The following MAGI2 variants were observed in gnomAD, a reference collection of about 807,000 sequenced individuals.
MAGI2 encodes membrane associated guanylate kinase, WW and PDZ domain containing 2.
MAGI2 carries 35 observed loss-of-function variants against 133.3 expected under a neutral mutation model. The ratio of observed to expected loss-of-function variants is 0.26; its 90% CI spans 0.20 to 0.35. The LOEUF (loss-of-function observed/expected upper bound fraction) is 0.35, where lower values mean the gene tolerates loss of function less well. MAGI2 is among the 10% of genes least tolerant of loss of function. MAGI2 has a pLI of 1.00. For synonymous variants in MAGI2, 729 were observed against 710.6 expected, an observed-to-expected ratio of 1.03 and a Z score of -0.41; for missense variants, 1,636 against 1,863.4, an observed-to-expected ratio of 0.88 and a Z score of 2.25.
At chr7:78,744,474 T>C (rs1486848685) in intron 2 of MAGI2, among the ~76,000 whole-genome samples, 2 of 152,208 alleles carry the variant, frequency 1.3e-5, no homozygotes, top group Admixed American at 6.5e-5. Context: ...AATTTAATTG[T>C]TTAAATATTA....
At chr7:79,247,698 G>C (rs528933459) in intron 1 of MAGI2, among the ~76,000 whole-genome samples, 4 of 151,908 alleles carry the variant, frequency 2.6e-5, no homozygotes, top group Non-Finnish European at 5.9e-5. Flanking sequence ...ACCACAAAAA[G>C]TTCAAAAATG....
At chr7:79,141,514 A>C (rs187757868) in intron 1 of MAGI2, among the ~76,000 whole-genome samples, 1 of 152,296 alleles carries the variant, frequency 6.6e-6, no homozygotes, top group East Asian at 1.9e-4. Flanking sequence ...CATTACTTCT[A>C]AAAATAATGA....
intron 2 of MAGI2, among the ~76,000 whole-genome samples, chr7:78,851,447 T>C (rs987435473): frequency 1.3e-5 from 2 of 152,182 alleles, no homozygotes; most frequent in Non-Finnish European, 2.9e-5. Flanking sequence ...TTATGAAACA[T>C]AACAATAAAA....
intron 1 of MAGI2, among the ~76,000 whole-genome samples, chr7:79,075,970 G>C (rs1815426684): frequency 6.6e-6 from 1 of 152,148 alleles, no homozygotes; most frequent in Admixed American, 6.5e-5. Flanking sequence ...TCTGTATCCA[G>C]AGCCACTTAC....
At chr7:78,936,078 T>C (rs1800490878) in intron 2 of MAGI2, among the ~76,000 whole-genome samples, 1 of 152,014 alleles carries the variant, frequency 6.6e-6, no homozygotes, top group Non-Finnish European at 1.5e-5. Flanking sequence ...ATATCAAATA[T>C]GTAAATTACA....
intron 1 of MAGI2, among the ~76,000 whole-genome samples, chr7:79,106,280 T>A (rs191185814): frequency 1.8e-4 from 28 of 152,182 alleles, no homozygotes; most frequent in Admixed American, 9.2e-4. Flanking sequence ...AACAAATCAG[T>A]GTTTGCCAGG....
chr7:78,955,757 CTTT>C (rs1802299662), intron 2 of MAGI2, among the ~76,000 whole-genome samples: 3 of 69,696 alleles, frequency 4.3e-5, no homozygotes, highest in Non-Finnish European at 9.8e-5. Context: ...TTCTTTCTTT[CTTT>C]CTTTCTTTCT....
intron 2 of MAGI2, among the ~76,000 whole-genome samples, chr7:78,671,512 C>T (rs946097087): frequency 6.6e-6 from 1 of 152,102 alleles, no homozygotes; most frequent in Non-Finnish European, 1.5e-5. Context: ...TTTAAACAAA[C>T]CTGTTATTTG....
intron 2 of MAGI2, among the ~76,000 whole-genome samples, chr7:78,860,541 C>T (rs571347334): frequency 1.1e-4 from 16 of 152,250 alleles, no homozygotes; most frequent in East Asian, 5.8e-4. Flanking sequence ...GTATCACCAG[C>T]GGAGGCTGCA....
intron 1 of MAGI2, among the ~76,000 whole-genome samples, chr7:79,305,551 TC>T (rs941141989): frequency 1.8e-4 from 28 of 152,180 alleles, no homozygotes; most frequent in African/African-American, 6.5e-4. Flanking sequence ...ATGTAACTCT[TC>T]CTTATCTCAT....
At chr7:79,345,380 G>A (rs542818275) in intron 1 of MAGI2, among the ~76,000 whole-genome samples, 103 of 152,142 alleles carry the variant, frequency 6.8e-4, no homozygotes, top group African/African-American at 2.3e-3. Flanking sequence ...GACTCAGAAG[G>A]AACCAACCCT....
intron 2 of MAGI2, among the ~76,000 whole-genome samples, chr7:78,895,533 G>T (rs1797141177): frequency 1.4e-5 from 2 of 144,518 alleles, no homozygotes; most frequent in African/African-American, 5.0e-5. Context: ...AAAAAAAAAA[G>T]TGGCTTTACT....
intron 21 of MAGI2, among the ~76,000 whole-genome samples, chr7:78,044,050 A>G (rs911887298): frequency 2.6e-5 from 4 of 152,186 alleles, no homozygotes; most frequent in African/African-American, 9.7e-5. Flanking sequence ...TGAAAAACCA[A>G]TGGGGATAAT....
At chr7:78,590,588 C>T (rs1803894130) in intron 3 of MAGI2, among the ~76,000 whole-genome samples, 1 of 152,196 alleles carries the variant, frequency 6.6e-6, no homozygotes, top group Non-Finnish European at 1.5e-5. Context: ...GCTCCTATTG[C>T]TTATCATGGT....
At chr7:78,507,999 C>A (rs1171384199) in intron 4 of MAGI2, among the ~76,000 whole-genome samples, 4 of 152,196 alleles carry the variant, frequency 2.6e-5, no homozygotes, top group African/African-American at 9.7e-5. Flanking sequence ...CCTCTGGAGG[C>A]ACTATGGAAG....
At position 78,531,317 on chromosome 7, in the gene MAGI2, G is replaced by A. The variant is rs969958203; in HGVS notation, c.539-9672C>T. On this transcript the variant is annotated intron_variant, in intron 3 of 21. Coordinates refer to ENST00000354212, the MANE Select transcript of MAGI2 (RefSeq NM_012301.4). ...CAATCTCTGCCTCCTGGGTTCAAGCGATTCTCCTGCCTCAGTCTCCCAAGT... is the reference window on the plus strand; with the variant it reads ...CAATCTCTGCCTCCTGGGTTCAAGCAATTCTCCTGCCTCAGTCTCCCAAGT... Among the ~76,000 whole-genome samples the A allele has an allele frequency of 4.6e-5, 7 of 151,252 alleles. No homozygotes were observed. In the South Asian group the frequency reaches 6.3e-4, roughly 14 times the overall value.
intron 5 of MAGI2, among the ~76,000 whole-genome samples, chr7:78,499,557 G>A (rs182793173): frequency 2.6e-4 from 39 of 152,218 alleles, no homozygotes; most frequent in Admixed American, 5.2e-4. Context: ...TATATACCTG[G>A]AACATAAGTT....
At chr7:78,961,922 GTATAGCC>G (rs954779219) in intron 2 of MAGI2, among the ~76,000 whole-genome samples, 14 of 151,874 alleles carry the variant, frequency 9.2e-5, no homozygotes, top group African/African-American at 3.4e-4. Context: ...AGGCTATATG[GTATAGCC>G]TATTGCTCCC....
intron 9 of MAGI2, among the ~76,000 whole-genome samples, chr7:78,288,250 G>A (rs1397175409): frequency 1.3e-5 from 2 of 152,026 alleles, no homozygotes; most frequent in Non-Finnish European, 2.9e-5. Context: ...AATTTAACAT[G>A]ACAATGTAAT....
Sources: gnomAD v4.1 joint callset for allele counts (sites outside exome capture counted in the v4.1 genomes callset) on GRCh38, gnomAD v4.1.1 for gene constraint, MANE v1.5 for transcripts, NCBI Gene and HGNC (gene_info 2026-07-23, HGNC 2026-07-21) for gene names.